TRA2A: variants seen among roughly 807,000 people sequenced by gnomAD.
TRA2A encodes transformer-2 protein homolog alpha.
In TRA2A, 31 loss-of-function variants were observed where a neutral mutation model predicts 45.7. The observed-to-expected ratio is 0.68, with a 90% CI of 0.51 to 0.92. TRA2A has a LOEUF of 0.92. Among genes scored for constraint, TRA2A ranks in the 40% least tolerant of loss-of-function variants. The probability of loss-of-function intolerance (pLI) is 0.00; values close to 1 mark genes in which losing one functional copy is unlikely to be tolerated. For synonymous variants in TRA2A, 132 were observed against 126.2 expected (o/e 1.05, Z -0.31); for missense variants, 304 against 367.5 (o/e 0.83, Z 1.41).
chr7:23,531,452 C>A, intron 1 of TRA2A: 1 of 369,728 alleles, frequency 2.7e-6, no homozygotes, highest in East Asian at 4.9e-5. Flanking sequence ...CTGCCGCCTC[C>A]TCCCGCCCAA....
intron 2 of TRA2A, among the ~76,000 whole-genome samples, chr7:23,519,198 C>T (rs143270420): frequency 1.3e-5 from 2 of 151,916 alleles, no homozygotes; most frequent in African/African-American, 4.8e-5. Flanking sequence ...TCGAGACCAT[C>T]GTGGCTAACA....
chr7:23,530,044 C>T (rs1421172392), intron 1 of TRA2A, among the ~76,000 whole-genome samples: 8 of 152,008 alleles, frequency 5.3e-5, no homozygotes, highest in African/African-American at 1.4e-4. Flanking sequence ...CTTCACTCCC[C>T]ACAAACCAAA....
Position 23,508,528 on chromosome 7 carries a change from CTT to C in TRA2A, c.526-995_526-994del, listed in dbSNP as rs566604757. Among the ~76,000 whole-genome samples the C allele has an allele frequency of 3.0e-3, 464 of 152,278 alleles. 1 individual carries two copies. Among genetic ancestry groups the C allele is most frequent in the Non-Finnish European group, 5.3e-3 (360 of 68,024 alleles). Reference sequence around the variant, plus strand: ...TTTATTTATGAGACCAAGTTTCGCTCTTGTTGCACAGGCTGGAGTGCAATGGC... The same window carrying C: ...TTTATTTATGAGACCAAGTTTCGCTCGTTGCACAGGCTGGAGTGCAATGGC... On this transcript the variant is annotated intron_variant, in intron 4 of 7. Transcript: ENST00000297071.
In TRA2A at chr7:23,521,837, A is replaced by T; in HGVS notation, c.40T>A (p.Ser14Thr). 1 of 1,613,916 alleles carries T rather than the reference A, an allele frequency of 6.2e-7. No individual in the cohort carries two copies. Among genetic ancestry groups the T allele is most frequent in the Non-Finnish European group, 8.5e-7 (1 of 1,179,992 alleles). ...VEENNFEGRE[S>T]RSQSKSPTGT... ...GTTGGAGATTTTGACTGAGAGCGAGACTCCTAACAAAGAAGACAGTATTAC... is the reference window on the plus strand; with the variant it reads ...GTTGGAGATTTTGACTGAGAGCGAGTCTCCTAACAAAGAAGACAGTATTAC... The change falls in exon 2 of 8, where the codon TCT becomes ACT. Residue 14 changes from serine to threonine, a missense_variant. Physicochemically the swap from Ser to Thr is moderately conservative, Grantham distance 58. Transcript: ENST00000297071.
chr7:23,516,551 T>G, intron 2 of TRA2A, 23 bp from the exon 3 acceptor site: 1 of 1,611,102 alleles, frequency 6.2e-7, no homozygotes, highest in Non-Finnish European at 8.5e-7. Flanking sequence ...TACATTTAGG[T>G]AAAAATACTG....
chr7:23,522,748 T>C (rs1198417401), intron 1 of TRA2A, among the ~76,000 whole-genome samples: 2 of 152,104 alleles, frequency 1.3e-5, no homozygotes, highest in African/African-American at 4.8e-5. Context: ...ACAACTATAA[T>C]TTCCCCCCAC....
At chr7:23,507,563 G>C in intron 4 of TRA2A, 28 bp from the exon 5 acceptor site, 3 of 1,488,554 alleles carry the variant, frequency 2.0e-6, no homozygotes, top group Non-Finnish European at 1.9e-6. Context: ...AAAAAGTCAC[G>C]TATAATTCAC....
chr7:23,529,875 G>T (rs1222247393), intron 1 of TRA2A, among the ~76,000 whole-genome samples: 1 of 139,286 alleles, frequency 7.2e-6, no homozygotes. Flanking sequence ...TTTTGAGACG[G>T]GAGTCTCACT....
In TRA2A at chr7:23,516,498, AC is replaced by A; in HGVS notation, c.200del (p.Arg67LeufsTer79). ...RSRSRRHSHR[R>X]YTRSRSHSHS... ...GAGAGTGGGATCTGGATCGAGTGTA[AC>A]GTCTATGAGAATGTCTCCTTGACCT... On this transcript the variant is annotated frameshift_variant, in exon 3 of 8. Transcript: ENST00000297071. LOFTEE classifies it high-confidence loss of function. 6.2e-7 allele frequency: 1 copy of A among 1,614,236 alleles called. No homozygotes were observed. The highest frequency in any genetic ancestry group is 8.5e-7 in the Non-Finnish European group (1 of 1,180,044).
intron 1 of TRA2A, among the ~76,000 whole-genome samples, chr7:23,529,479 CG>C (rs1790478492): frequency 6.6e-6 from 1 of 152,060 alleles, no homozygotes. Context: ...AGGCTAGTCT[CG>C]AACTCCTAAC....
At chr7:23,522,265 C>T in intron 1 of TRA2A, 3 of 1,106,494 alleles carry the variant, frequency 2.7e-6, no homozygotes, top group South Asian at 2.3e-5. Context: ...TTCAAAATAG[C>T]CTTAAAAAAA....
intron 1 of TRA2A, among the ~76,000 whole-genome samples, chr7:23,525,430 T>C (rs1355793154): frequency 6.6e-6 from 1 of 152,152 alleles, no homozygotes; most frequent in Non-Finnish European, 1.5e-5. Flanking sequence ...CTGCATCCAA[T>C]AACCATTAAA....
In TRA2A at chr7:23,531,848, TAA is replaced by T; in HGVS notation, c.-26_-25del. The T allele has an allele frequency of 6.2e-7, 1 of 1,613,400 alleles. No individual in the cohort carries two copies. The highest frequency in any genetic ancestry group is 1.1e-5 in the South Asian group (1 of 91,082). ...ATGTCGACGAGGCGCTCCCCAGAAC[TAA>T]ATAAGAGACAAGTCTCGGCTCGAGG... On this transcript the variant is annotated 5_prime_UTR_variant, in exon 1 of 8. Coordinates refer to ENST00000297071, the MANE Select transcript of TRA2A (RefSeq NM_013293.5).
chr7:23,526,750 AAAT>A (rs1790356490), intron 1 of TRA2A, among the ~76,000 whole-genome samples: 1 of 152,198 alleles, frequency 6.6e-6, no homozygotes, highest in Non-Finnish European at 1.5e-5. Flanking sequence ...TATTAAATTG[AAAT>A]AATAATTTCC....
chr7:23,507,490 G>A lies in TRA2A; in HGVS notation c.571C>T (p.Arg191Trp), dbSNP rs776132151. 15 of 1,613,918 alleles carry A rather than the reference G, an allele frequency of 9.3e-6. No homozygotes were observed. The highest frequency in any genetic ancestry group is 1.7e-5 in the Admixed American group (1 of 59,968). Residue 191 changes from arginine (R) to tryptophan (W), a missense_variant, in exon 5 of 8, where the codon CGG (arginine) becomes TGG (tryptophan). Around this residue, in one of 3 missense-constraint regions of TRA2A, gnomAD observed 130 missense variants for 217.1 expected, o/e 0.60. Coordinates refer to ENST00000297071, the MANE Select transcript of TRA2A (RefSeq NM_013293.5). ...CTCTTGGTTATAGAATAATCCACCC[G>A]AATTCTTCTACCATCCAGCTCCATT... Reference protein sequence around the residue: ...NGMELDGRRIRVDYSITKRAH... With the variant: ...NGMELDGRRIWVDYSITKRAH...
intron 1 of TRA2A, chr7:23,531,201 A>G: frequency 1.0e-6 from 1 of 986,466 alleles, no homozygotes; most frequent in Non-Finnish European, 1.2e-6. Flanking sequence ...GGCTCGTCCC[A>G]CCTTCAACCT....
chr7:23,506,419 G>C, intron 5 of TRA2A, 153 bp from the exon 6 acceptor site: 1 of 961,048 alleles, frequency 1.0e-6, no homozygotes, highest in Non-Finnish European at 1.5e-6. Context: ...GACTCCCATG[G>C]TATTCTGGTT....
Position 23,531,916 on chromosome 7 carries a change from G to A in TRA2A, c.-92C>T, listed in dbSNP as rs1406705370. ...AACCCGCTGACTGGACCGTGGGGAAGAGGAAAGAGTCGGCAACCACAGCCG... is the reference window on the plus strand; with the variant it reads ...AACCCGCTGACTGGACCGTGGGGAAAAGGAAAGAGTCGGCAACCACAGCCG... On this transcript the variant is annotated 5_prime_UTR_variant, in exon 1 of 8. Coordinates refer to ENST00000297071, the MANE Select transcript of TRA2A (RefSeq NM_013293.5). 1.4e-5 allele frequency: 20 copies of A among 1,460,454 alleles called. No homozygotes were observed. The highest frequency in any genetic ancestry group is 9.2e-5 in the South Asian group (8 of 87,068). The allele number at this position is 1,460,454 out of a possible 1,614,324, so 90.5% of individuals were successfully genotyped here. A position where few individuals can be genotyped will look rare whatever the true frequency, so the allele number is the denominator to read the frequency against.
chr7:23,516,245 G>T, intron 3 of TRA2A, 118 bp downstream of exon 3: 1 of 923,872 alleles, frequency 1.1e-6, no homozygotes, highest in Non-Finnish European at 1.6e-6. Flanking sequence ...AGCTTATTAA[G>T]GATGTTTCCA....
Sources: allele counts gnomAD v4.1 joint callset (sites outside exome capture counted in the v4.1 genomes callset), GRCh38; gene constraint gnomAD v4.1.1; regional missense constraint gnomAD v4.1.1; transcripts MANE v1.5; gene names NCBI Gene and HGNC (gene_info 2026-07-23, HGNC 2026-07-21).